Variants in ATF7 observed in about 807,000 individuals in gnomAD.
ATF7 encodes the protein activating transcription factor 7.
Under a neutral mutation model 50.4 loss-of-function variants are expected in ATF7, and 10 were observed. That is an observed-to-expected ratio of 0.20 (90% CI 0.12 to 0.34). The LOEUF is 0.34. Among genes scored for constraint, ATF7 ranks in the 10% least tolerant of loss-of-function variants. ATF7 has a pLI of 1.00. For missense variants in ATF7, 465 were observed against 613.9 expected (o/e 0.76, Z 2.56); for synonymous variants, 201 against 226.4 (o/e 0.89, Z 1.01).
intron 3 of ATF7, among the ~76,000 whole-genome samples, chr12:53,550,323 CA>C (rs72114384): frequency 6.2e-4 from 78 of 126,390 alleles, no homozygotes; most frequent in African/African-American, 7.5e-4. Flanking sequence ...GACCCTGTCT[CA>C]AAAAAAAAAA....
At chr12:53,509,503 C>CTTT (rs1337552672), downstream of ATF7, among the ~76,000 whole-genome samples, 2 of 135,078 alleles carry the variant, frequency 1.5e-5, no homozygotes, top group African/African-American at 5.5e-5. Flanking sequence ...TACACTCCAG[C>CTTT]TTTTTTTTTT....
rs903706927 is a variant in ATF7 at position 53,532,511 on chromosome 12, A to G, written c.773T>C (p.Met258Thr). The G allele has an allele frequency of 3.8e-6, 6 of 1,588,334 alleles. No individual in the cohort carries two copies. Among genetic ancestry groups the G allele is most frequent in the East Asian group, 4.5e-5 (2 of 44,224 alleles). ...TGCCCCAGACTGGGATGTACTCACCATCTTGGCTTCTGATGGTATAGGGTG... is the reference window on the plus strand; with the variant it reads ...TGCCCCAGACTGGGATGTACTCACCGTCTTGGCTTCTGATGGTATAGGGTG... ...SGHPIPSEAK[M>T]RLKATLTHQV... Residue 258 changes from methionine to threonine, a missense_variant and splice_region_variant, in exon 8 of 12, where the codon ATG becomes ACG. Transcript: ENST00000420353.
At chr12:53,580,386 C>T (rs556971119) in intron 2 of ATF7, among the ~76,000 whole-genome samples, 11 of 150,548 alleles carry the variant, frequency 7.3e-5, no homozygotes, top group African/African-American at 2.2e-4. Context: ...AAAGATAGGC[C>T]GGGTGCGGTG....
chr12:53,537,879 A>T (rs1021287596), intron 4 of ATF7, among the ~76,000 whole-genome samples: 11 of 152,060 alleles, frequency 7.2e-5, no homozygotes, highest in African/African-American at 2.7e-4. Context: ...CGCCCAGCTA[A>T]TTTTTTATTT....
At chr12:53,528,581 G>T (rs1240002690) in intron 9 of ATF7, among the ~76,000 whole-genome samples, 1 of 152,100 alleles carries the variant, frequency 6.6e-6, no homozygotes, top group Non-Finnish European at 1.5e-5. Context: ...TGGCCAACAT[G>T]GTGAAACCCC....
At chr12:53,520,275 A>G (rs1027093240) in intron 11 of ATF7, among the ~76,000 whole-genome samples, 7 of 151,964 alleles carry the variant, frequency 4.6e-5, no homozygotes, top group Admixed American at 3.9e-4. Flanking sequence ...TCTGGTTTCA[A>G]TGCTTTAAAA....
chr12:53,625,736 C>A (rs1372999898), intron 1 of ATF7, among the ~76,000 whole-genome samples: 1 of 152,126 alleles, frequency 6.6e-6, no homozygotes, highest in Non-Finnish European at 1.5e-5. Flanking sequence ...CTCATCTACT[C>A]ATTCCTACCT....
In ATF7 at chr12:53,512,559, G is replaced by A. The variant is rs900378508; in HGVS notation, c.*4578C>T. 3 of 152,250 alleles carry A rather than the reference G, an allele frequency of 2.0e-5. No individual in the cohort carries two copies. The highest frequency in any genetic ancestry group is 2.0e-4 in the Admixed American group (3 of 15,286). 9.4% of individuals were successfully genotyped at this position (152,250 alleles called of 1,614,324 possible). A position where few individuals can be genotyped will look rare whatever the true frequency, so the allele number is the denominator to read the frequency against. Reference sequence around the variant, plus strand: ...CATCTCCTCCCTGCCTGAAAGGTGTGTGTGTTGTAGGGGGAGGAATGGGAC... The same window carrying A: ...CATCTCCTCCCTGCCTGAAAGGTGTATGTGTTGTAGGGGGAGGAATGGGAC... On this transcript the variant is annotated 3_prime_UTR_variant, in exon 12 of 12. Coordinates refer to ENST00000420353, the MANE Select transcript of ATF7 (RefSeq NM_006856.3).
intron 2 of ATF7, among the ~76,000 whole-genome samples, chr12:53,583,899 C>G (rs1031384448): frequency 1.3e-5 from 2 of 152,198 alleles, no homozygotes; most frequent in African/African-American, 4.8e-5. Context: ...TTTAGTCAGA[C>G]ACTTCACCAA....
intron 1 of ATF7, among the ~76,000 whole-genome samples, chr12:53,621,220 G>A (rs1284338376): frequency 1.3e-5 from 2 of 152,214 alleles, no homozygotes; most frequent in Non-Finnish European, 2.9e-5. Context: ...AAAATGGCAG[G>A]TGGGATTCAC....
At position 53,516,657 on chromosome 12, in the gene ATF7, G is replaced by C. The variant is rs190097115; in HGVS notation, c.*480C>G. The C allele has an allele frequency of 3.0e-4, 52 of 171,162 alleles. No individual in the cohort carries two copies. In the East Asian group the frequency reaches 4.7e-3, roughly 15 times the overall value. The allele number at this position is 171,162 out of a possible 1,614,324, so 10.6% of individuals were successfully genotyped here. Reference sequence around the variant, plus strand: ...GGAGACCTGAGTCCTGAGTCCATGGGGTGGCTGGGGCTGGGTCAGCGGGTA... The same window carrying C: ...GGAGACCTGAGTCCTGAGTCCATGGCGTGGCTGGGGCTGGGTCAGCGGGTA... On this transcript the variant is annotated 3_prime_UTR_variant, in exon 12 of 12. Coordinates refer to ENST00000420353, the MANE Select transcript of ATF7 (RefSeq NM_006856.3).
chr12:53,593,647 T>A (rs1673292252), intron 2 of ATF7, among the ~76,000 whole-genome samples: 1 of 152,216 alleles, frequency 6.6e-6, no homozygotes. Context: ...TACTTGTCAT[T>A]GTACAAAGCC....
intron 6 of ATF7, 126 bp downstream of exon 6, chr12:53,534,376 T>C: frequency 1.4e-6 from 2 of 1,388,334 alleles, no homozygotes; most frequent in East Asian, 2.3e-5. Flanking sequence ...AAAAATTTAT[T>C]TTGAGAGATA....
chr12:53,543,594 T>C (rs1462672235), intron 3 of ATF7, 146 bp from the exon 4 acceptor site: 6 of 802,900 alleles, frequency 7.5e-6, no homozygotes, highest in Non-Finnish European at 1.1e-5. Context: ...AATGGAGCTC[T>C]AGTAGGCGAA....
At chr12:53,607,020 C>T (rs1319504922) in intron 1 of ATF7, among the ~76,000 whole-genome samples, 2 of 152,112 alleles carry the variant, frequency 1.3e-5, no homozygotes, top group African/African-American at 4.8e-5. Flanking sequence ...CCGCTATAAA[C>T]ATACGTGTGC....
At chr12:53,555,449 G>A (rs1940671698) in intron 2 of ATF7, among the ~76,000 whole-genome samples, 1 of 150,594 alleles carries the variant, frequency 6.6e-6, no homozygotes, top group South Asian at 2.1e-4. Flanking sequence ...TTGGTAAGAG[G>A]AAATAAGCAG....
chr12:53,517,480 T>G lies in ATF7; in HGVS notation c.1235-126A>C, dbSNP rs561218030. On this transcript the variant is annotated intron_variant, in intron 11 of 11. Coordinates refer to ENST00000420353, the MANE Select transcript of ATF7 (RefSeq NM_006856.3). ...AGGGAAATGAAACCCATCTTTTTTT[T>G]GGGGAAAACTTCCCAGAATCCTGGC... 801 of 900,544 alleles carry G rather than the reference T, an allele frequency of 8.9e-4. 10 individuals carry two copies. The South Asian group carries it at 0.011, about 13-fold the overall frequency. 55.8% of individuals were successfully genotyped at this position (900,544 alleles called of 1,614,324 possible).
intron 11 of ATF7, among the ~76,000 whole-genome samples, chr12:53,520,822 C>A (rs548274223): frequency 6.6e-6 from 1 of 152,108 alleles, no homozygotes; most frequent in Non-Finnish European, 1.5e-5. Context: ...CTCATATATA[C>A]CATCCCATCT....
At chr12:53,596,256 C>T (rs576309670) in intron 2 of ATF7, among the ~76,000 whole-genome samples, 10 of 152,236 alleles carry the variant, frequency 6.6e-5, no homozygotes, top group East Asian at 1.9e-4. Context: ...GCCGAGATCG[C>T]GCCACTGCAC....
Sources: allele counts gnomAD v4.1 joint callset (sites outside exome capture counted in the v4.1 genomes callset), GRCh38; gene constraint gnomAD v4.1.1; transcripts MANE v1.5; gene names NCBI Gene and HGNC (gene_info 2026-07-23, HGNC 2026-07-21).